WWTR1: variants seen among roughly 807,000 people sequenced by gnomAD.
WWTR1 encodes the protein WW domain containing transcription regulator 1.
In WWTR1, 13 loss-of-function variants were observed where a neutral mutation model predicts 40.1. The observed-to-expected ratio is 0.32, with a 90% CI of 0.21 to 0.52. The LOEUF (loss-of-function observed/expected upper bound fraction) is 0.52. WWTR1 is among the 20% of genes least tolerant of loss of function. The pLI is 0.97. For missense variants in WWTR1, 436 were observed against 523.1 expected (o/e 0.83, Z 1.63); for synonymous variants, 230 against 210.1 (o/e 1.09, Z -0.82).
chr3:149,611,265 A>G (rs1293712280), intron 2 of WWTR1, among the ~76,000 whole-genome samples: 2 of 152,174 alleles, frequency 1.3e-5, no homozygotes, highest in East Asian at 3.8e-4. Context: ...TAGCAAGACA[A>G]TGACCCATGC....
At chr3:149,651,664 A>G (rs1712871839) in intron 2 of WWTR1, among the ~76,000 whole-genome samples, 1 of 152,142 alleles carries the variant, frequency 6.6e-6, no homozygotes, top group Non-Finnish European at 1.5e-5. Context: ...AAGAGTGAGA[A>G]AACAAAAAAT....
chr3:149,599,858 G>A (rs907393687), intron 2 of WWTR1, among the ~76,000 whole-genome samples: 4 of 152,098 alleles, frequency 2.6e-5, no homozygotes, highest in Non-Finnish European at 5.9e-5. Context: ...TTTAAATAGC[G>A]ACAAGGTATA....
intron 2 of WWTR1, among the ~76,000 whole-genome samples, chr3:149,574,571 T>A (rs1737793072): frequency 6.6e-6 from 1 of 152,160 alleles, no homozygotes; most frequent in African/African-American, 2.4e-5. Flanking sequence ...GGAAACCACT[T>A]TTACTTTCGT....
intron 2 of WWTR1, among the ~76,000 whole-genome samples, chr3:149,612,535 C>G (rs2108070069): frequency 6.6e-6 from 1 of 152,238 alleles, no homozygotes; most frequent in Admixed American, 6.5e-5. Context: ...GGATGAGTCC[C>G]TTAAAAGCCC....
chr3:149,705,613 G>A (rs1294650896), upstream of WWTR1, among the ~76,000 whole-genome samples: 1 of 152,198 alleles, frequency 6.6e-6, no homozygotes, highest in Non-Finnish European at 1.5e-5. Flanking sequence ...GTGTTTTGGA[G>A]TTGGATTGCA....
intron 3 of WWTR1, among the ~76,000 whole-genome samples, chr3:149,567,684 G>A (rs73155009): frequency 0.08 from 12,117 of 152,176 alleles, 1,202 homozygotes; most frequent in East Asian, 0.49. Context: ...ACAAGTGCTG[G>A]CAGCTTACTA....
chr3:149,526,023 C>T lies in WWTR1; in HGVS notation c.1008G>A (p.Glu336=). ...TPEDFLSNVD[E]MDTGENAGQT... ...AGGCTTTGCTCCTACCTGTATCCAT[C>T]TCATCCACATTGCTGAGGAAGTCCT... Residue 336 remains glutamate (E), a synonymous_variant, in exon 6 of 7, where the codon GAG becomes GAA. Transcript: ENST00000360632. The T allele has an allele frequency of 6.2e-7, 1 of 1,600,328 alleles. No individual in the cohort carries two copies.
chr3:149,716,012 T>C (rs779970499), intron 5 of WWTR1, among the ~76,000 whole-genome samples: 46 of 152,138 alleles, frequency 3.0e-4, no homozygotes, highest in Non-Finnish European at 5.9e-4. Context: ...AATGAAAACA[T>C]TGACAAAACA....
At chr3:149,534,683 C>A (rs1300090234) in intron 4 of WWTR1, among the ~76,000 whole-genome samples, 2 of 152,172 alleles carry the variant, frequency 1.3e-5, no homozygotes, top group Non-Finnish European at 2.9e-5. Context: ...CCTGACCCAA[C>A]CCTCCTCCAA....
chr3:149,706,320 A>G (rs1039236052), upstream of WWTR1, among the ~76,000 whole-genome samples: 1 of 152,172 alleles, frequency 6.6e-6, no homozygotes, highest in East Asian at 1.9e-4. Flanking sequence ...ACTAACACTG[A>G]CTTCTTTTAT....
At chr3:149,620,570 CCA>C (rs555750880) in intron 2 of WWTR1, among the ~76,000 whole-genome samples, 1 of 150,498 alleles carries the variant, frequency 6.6e-6, no homozygotes, top group Non-Finnish European at 1.5e-5. Context: ...CCGCTCCCCC[CCA>C]CACACACACA....
intron 5 of WWTR1, among the ~76,000 whole-genome samples, chr3:149,713,959 C>T (rs1030881419): frequency 1.3e-5 from 2 of 152,002 alleles, no homozygotes; most frequent in Non-Finnish European, 2.9e-5. Context: ...GCCACCACTG[C>T]GGGGAGGCTG....
upstream of WWTR1, among the ~76,000 whole-genome samples, chr3:149,660,617 C>G (rs909902052): frequency 1.3e-5 from 2 of 152,166 alleles, no homozygotes; most frequent in Non-Finnish European, 2.9e-5. Flanking sequence ...AGGTACTGCC[C>G]GTAAGAGGCA....
intron 2 of WWTR1, among the ~76,000 whole-genome samples, chr3:149,594,756 C>T (rs1231606501): frequency 1.3e-5 from 2 of 150,688 alleles, no homozygotes; most frequent in Non-Finnish European, 2.9e-5. Flanking sequence ...ACACACAGAG[C>T]TACAAAAGAC....
chr3:149,694,919 T>C lies in WWTR1; in HGVS notation c.-108+8205A>G, dbSNP rs376892119. 4.6e-5 allele frequency among the ~76,000 whole-genome samples: 7 copies of C among 152,296 alleles called. No individual in the cohort carries two copies. In the East Asian group the frequency reaches 9.6e-4, roughly 21 times the overall value. On this transcript the variant is annotated intron_variant, in intron 1 of 7. Coordinates refer to the WWTR1 transcript ENST00000465804. ...GATTTGGAATCAACCTAAGTGTTCA[T>C]CAGTAGATGAATGGATAGAGAAAAT...
intron 2 of WWTR1, among the ~76,000 whole-genome samples, chr3:149,607,281 C>T (rs557368231): frequency 3.9e-5 from 6 of 152,190 alleles, no homozygotes; most frequent in East Asian, 1.9e-4. Context: ...ACTGATAACA[C>T]GGGTTAACTT....
At chr3:149,690,410 T>A (rs1217877677) in intron 1 of WWTR1, among the ~76,000 whole-genome samples, 1 of 149,664 alleles carries the variant, frequency 6.7e-6, no homozygotes, top group African/African-American at 2.5e-5. Flanking sequence ...AGACTAAAAA[T>A]AAAGGGATGG....
At chr3:149,536,339 T>C (rs1469864454) in intron 4 of WWTR1, among the ~76,000 whole-genome samples, 2 of 152,342 alleles carry the variant, frequency 1.3e-5, no homozygotes, top group African/African-American at 4.8e-5. Flanking sequence ...CCTAATGCTA[T>C]GAAATGCTTT....
chr3:149,716,313 C>T (rs965381980), intron 5 of WWTR1, among the ~76,000 whole-genome samples: 2 of 149,992 alleles, frequency 1.3e-5, no homozygotes, highest in African/African-American at 2.5e-5. Context: ...ACCTGGAAGG[C>T]AGAGGGTGCA....
Sources: allele counts gnomAD v4.1 joint callset (sites outside exome capture counted in the v4.1 genomes callset), GRCh38; gene constraint gnomAD v4.1.1; transcripts MANE v1.5; gene names NCBI Gene and HGNC (gene_info 2026-07-23, HGNC 2026-07-21).